MYSM1: variants seen among roughly 807,000 people sequenced by gnomAD.
MYSM1 encodes the protein Myb like, SWIRM and MPN domains 1.
In MYSM1, 51 loss-of-function variants were observed where a neutral mutation model predicts 116.0. The observed-to-expected ratio is 0.44, with a 90% CI of 0.35 to 0.56. MYSM1 has a LOEUF of 0.56. Ranked by LOEUF, MYSM1 falls within the 20% of genes least tolerant of loss-of-function variation. The probability of loss-of-function intolerance (pLI) is 0.00; values close to 1 mark genes in which losing one functional copy is unlikely to be tolerated. For synonymous variants in MYSM1, 313 were observed against 315.2 expected, an observed-to-expected ratio of 0.99 and a Z score of 0.07; for missense variants, 900 against 974.9, an observed-to-expected ratio of 0.92 and a Z score of 1.02.
At chr1:58,674,700 C>A (rs182096047) in intron 10 of MYSM1, among the ~76,000 whole-genome samples, 7 of 151,826 alleles carry the variant, frequency 4.6e-5, no homozygotes, top group Non-Finnish European at 7.4e-5. Context: ...CCAAGGCGGG[C>A]GGATCATGAG....
rs1318432313 is a variant in MYSM1, at chr1:58,655,438, C to T, written c.*4559G>A. 1 of 151,822 alleles carries T rather than the reference C, an allele frequency of 6.6e-6. No individual in the cohort carries two copies. Among genetic ancestry groups the T allele is most frequent in the African/African-American group, 2.4e-5 (1 of 41,280 alleles). The allele number at this position is 151,822 out of a possible 1,614,324, so 9.4% of individuals were successfully genotyped here. ...CCTTCTCAAACTTCTGTTTAGAGCT[C>T]TTGGCATAATCACAGCTCCCCTGGG... On this transcript the variant is annotated 3_prime_UTR_variant, in exon 20 of 20. Coordinates refer to ENST00000472487, the MANE Select transcript of MYSM1 (RefSeq NM_001085487.3).
intron 14 of MYSM1, chr1:58,668,378 A>G: frequency 8.7e-7 from 1 of 1,149,620 alleles, no homozygotes; most frequent in South Asian, 2.8e-5. Context: ...AGACACATAT[A>G]TTAGAAACTT....
At chr1:58,686,035 C>A (rs1013991401) in intron 6 of MYSM1, among the ~76,000 whole-genome samples, 1 of 152,194 alleles carries the variant, frequency 6.6e-6, no homozygotes, top group Admixed American at 6.5e-5. Flanking sequence ...AAGCAATCCT[C>A]CCACCTCAGC....
At chr1:58,684,433 C>T (rs185907704) in intron 7 of MYSM1, among the ~76,000 whole-genome samples, 297 of 151,752 alleles carry the variant, frequency 2.0e-3, no homozygotes, top group African/African-American at 6.9e-3. Context: ...GGTGTGGTGG[C>T]GGGCACCTGT....
chr1:58,679,923 G>A (rs1304042539), intron 8 of MYSM1, among the ~76,000 whole-genome samples: 1 of 151,704 alleles, frequency 6.6e-6, no homozygotes, highest in Non-Finnish European at 1.5e-5. Flanking sequence ...AGCTGCATGG[G>A]AGCTGAGGCA....
chr1:58,681,844 C>T lies in MYSM1; in HGVS notation c.1200G>A (p.Gly400=), dbSNP rs1473791644. 2.5e-6 allele frequency: 4 copies of T among 1,610,196 alleles called. No individual in the cohort carries two copies. Among genetic ancestry groups the T allele is most frequent in the African/African-American group, 2.7e-5 (2 of 74,494 alleles). The change falls in exon 8 of 20, where the codon GGG becomes GGA. Residue 400 remains glycine (G), a synonymous_variant. Transcript: ENST00000472487. ...AGCGTTCTGGTGTTTTAGCTTGGCG[C>T]CCCTCAAAAAACTCAGGAATTGCTT... is the stretch of plus-strand genomic sequence containing the variant. ...EKQAIPEFFE[G]RQAKTPERYL... is the part of the protein sequence containing the mutation.
intron 7 of MYSM1, among the ~76,000 whole-genome samples, chr1:58,684,611 C>T (rs1644799350): frequency 6.7e-6 from 1 of 148,476 alleles, no homozygotes; most frequent in South Asian, 2.2e-4. Context: ...ATCAAAACGA[C>T]ATGGTTGCAT....
At position 58,675,509 on chromosome 1, in the gene MYSM1, C is replaced by T; in HGVS notation, c.1462G>A (p.Ala488Thr). The change falls in exon 10 of 20, where the codon GCA (alanine) becomes ACA (threonine). Residue 488 changes from alanine to threonine, a missense_variant. Ala to Thr is a moderately conservative substitution (Grantham distance 58). Around this residue, in one of 3 missense-constraint regions of MYSM1, gnomAD observed 622 missense variants for 623.7 expected, o/e 1.00. Coordinates refer to ENST00000472487, the MANE Select transcript of MYSM1 (RefSeq NM_001085487.3). The stretch of plus-strand genomic sequence containing the variant: ...TGCAGACGCTGGGCAAGTTGGTATG[C>T]TTCTACTGCATCTTTTCTGTCTCTG... Reference protein sequence around the residue: ...RIRDRKDAVEAYQLAQRLQSM... With the variant: ...RIRDRKDAVETYQLAQRLQSM... 1 of 1,612,998 alleles carries T rather than the reference C, an allele frequency of 6.2e-7. No individual in the cohort carries two copies. The highest frequency in any genetic ancestry group is 8.5e-7 in the Non-Finnish European group (1 of 1,179,464).
chr1:58,679,143 G>A (rs1017817656), intron 8 of MYSM1, among the ~76,000 whole-genome samples: 5 of 152,030 alleles, frequency 3.3e-5, no homozygotes, highest in African/African-American at 4.8e-5. Flanking sequence ...AATCTGGCAG[G>A]CTTCTTTTTA....
chr1:58,677,375 C>A (rs1007043688), intron 8 of MYSM1, among the ~76,000 whole-genome samples: 15 of 152,038 alleles, frequency 9.9e-5, no homozygotes, highest in African/African-American at 3.6e-4. Flanking sequence ...TCTTTAAATA[C>A]AAAGAGCAGT....
In MYSM1 at chr1:58,681,883, T is replaced by C. The variant is rs1644748512; in HGVS notation, c.1161A>G (p.Gln387=). The change falls in exon 8 of 20, where the codon CAA becomes CAG. Residue 387 remains glutamine (Q), a synonymous_variant. Transcript: ENST00000472487. ...QEIEIDRNII[Q]EEEKQAIPEF... is the part of the protein sequence containing the mutation. ...CAGGAATTGCTTGTTTTTCTTCTTC[T>C]TGAATGATATTTCTATCTATTTCTA... 2 of 1,613,834 alleles carry C rather than the reference T, an allele frequency of 1.2e-6. No homozygotes were observed. Among genetic ancestry groups the C allele is most frequent in the East Asian group, 2.2e-5 (1 of 44,888 alleles).
At chr1:58,678,589 C>T (rs1045742078) in intron 8 of MYSM1, among the ~76,000 whole-genome samples, 1 of 152,118 alleles carries the variant, frequency 6.6e-6, no homozygotes, top group Non-Finnish European at 1.5e-5. Flanking sequence ...AGATAAAAAT[C>T]TGCCCTCATG....
chr1:58,682,466 G>C lies in MYSM1; in HGVS notation c.578C>G (p.Thr193Arg). The change falls in exon 8 of 20, where the codon ACA becomes AGA. Residue 193 changes from threonine (T) to arginine (R), a missense_variant. Physicochemically the swap from Thr to Arg is moderately conservative, Grantham distance 71 (BLOSUM62 -1). Transcript: ENST00000472487. ...NLQVKNEDKG[T>R]KAWTPSCLRG... is the part of the protein sequence containing the mutation. ...TAAACATGATGGTGTCCATGCCTTT[G>C]TCCCTTTATCTTCATTTTTAACTTG... 1 of 1,613,916 alleles carries C rather than the reference G, an allele frequency of 6.2e-7. No homozygotes were observed. Among genetic ancestry groups the C allele is most frequent in the Non-Finnish European group, 8.5e-7 (1 of 1,179,958 alleles).
chr1:58,668,699 A>T lies in MYSM1; in HGVS notation c.1717-17T>A, dbSNP rs777746673. On this transcript the variant is annotated splice_polypyrimidine_tract_variant and intron_variant, in intron 13 of 19. Transcript: ENST00000472487. ...AAATGGCTCCTGAAATATAAAAAAC[A>T]AAACAAAACGGGGGAGCATAAAAAT... 1.3e-6 allele frequency: 2 copies of T among 1,593,150 alleles called. No individual in the cohort carries two copies. Among genetic ancestry groups the T allele is most frequent in the South Asian group, 1.1e-5 (1 of 87,674 alleles).
chr1:58,687,353 A>C (rs989482235), intron 6 of MYSM1, among the ~76,000 whole-genome samples: 1 of 152,192 alleles, frequency 6.6e-6, no homozygotes, highest in Admixed American at 6.5e-5. Context: ...AAGCGAACTG[A>C]AGGCTAAGAT....
chr1:58,674,902 G>A (rs995497892), intron 10 of MYSM1, among the ~76,000 whole-genome samples: 1 of 149,658 alleles, frequency 6.7e-6, no homozygotes, highest in African/African-American at 2.5e-5. Flanking sequence ...ACTCTAGCCT[G>A]GGTGACACAG....
chr1:58,690,371 G>T lies in MYSM1; in HGVS notation c.265C>A (p.Gln89Lys). 1 of 1,602,876 alleles carries T rather than the reference G, an allele frequency of 6.2e-7. No homozygotes were observed. Among genetic ancestry groups the T allele is most frequent in the South Asian group, 1.1e-5 (1 of 88,652 alleles). Residue 89 changes from glutamine (Q) to lysine (K), a missense_variant, in exon 4 of 20, where the codon CAA (glutamine) becomes AAA (lysine). Gln to Lys is a moderately conservative substitution (Grantham distance 53). This residue lies in a region of MYSM1 where 622 missense variants were observed against 623.7 expected (regional missense o/e 1.00). Transcript: ENST00000472487. ...ATGTATTTTTTATCATCTTCCTTTT[G>T]ATCAAGCCAGACTTTTTCCGGTTGT... ...KSQPEKVWLD[Q>K]KEDDKKYMKS...
chr1:58,667,875 C>A lies in MYSM1; in HGVS notation c.1814G>T (p.Arg605Ile), dbSNP rs1644498494. ...AACTACTTTATCAACTTCTGAGTAT[C>A]TTCCTCCTAACAGACCAATCACTTC... ...MAEVIGLLGGRYSEVDKVVEV... is the reference protein window; with the variant it reads ...MAEVIGLLGGIYSEVDKVVEV... Residue 605 changes from arginine to isoleucine, a missense_variant, in exon 15 of 20, where the codon AGA becomes ATA. Physicochemically the swap from Arg to Ile is moderately conservative, Grantham distance 97 (BLOSUM62 -3). Coordinates refer to ENST00000472487, the MANE Select transcript of MYSM1 (RefSeq NM_001085487.3). The A allele has an allele frequency of 1.9e-6, 3 of 1,611,982 alleles. No homozygotes were observed. The highest frequency in any genetic ancestry group is 2.5e-6 in the Non-Finnish European group (3 of 1,178,154).
In MYSM1 at chr1:58,692,941, AAG is replaced by A. The variant is rs749778898; in HGVS notation, c.148-12_148-11del. 13 of 1,582,498 alleles carry A rather than the reference AAG, an allele frequency of 8.2e-6. No homozygotes were observed. The highest frequency in any genetic ancestry group is 2.6e-6 in the Non-Finnish European group (3 of 1,166,950). The stretch of plus-strand genomic sequence containing the variant: ...TATCCAAGGTCCAAGGCTATTAAAA[AAG>A]AGAATATATTTGTCTTTTTATTTAT... On this transcript the variant is annotated splice_polypyrimidine_tract_variant and intron_variant, in intron 2 of 19. Coordinates refer to ENST00000472487, the MANE Select transcript of MYSM1 (RefSeq NM_001085487.3).
Sources: allele counts gnomAD v4.1 joint callset (sites outside exome capture counted in the v4.1 genomes callset), GRCh38; gene constraint gnomAD v4.1.1; regional missense constraint gnomAD v4.1.1; transcripts MANE v1.5; gene names NCBI Gene and HGNC (gene_info 2026-07-23, HGNC 2026-07-21).